The following HMBOX1 variants were observed in gnomAD, a reference collection of about 807,000 sequenced individuals.
The protein encoded by HMBOX1 is homeobox containing 1.
Under a neutral mutation model 54.5 loss-of-function variants are expected in HMBOX1, and 14 were observed. The ratio of observed to expected loss-of-function variants is 0.26; its 90% CI spans 0.17 to 0.40. The LOEUF is 0.40. Among genes scored for constraint, HMBOX1 ranks in the 10% least tolerant of loss-of-function variants. The probability of loss-of-function intolerance (pLI) is 1.00; values close to 1 mark genes in which losing one functional copy is unlikely to be tolerated. For missense variants in HMBOX1, 332 were observed against 514.4 expected, an observed-to-expected ratio of 0.65 and a Z score of 3.43; for synonymous variants, 160 against 181.0, an observed-to-expected ratio of 0.88 and a Z score of 0.93.
chr8:29,021,809 G>A (rs571041626), intron 6 of HMBOX1, among the ~76,000 whole-genome samples: 23 of 148,600 alleles, frequency 1.5e-4, no homozygotes, highest in South Asian at 1.3e-3. Flanking sequence ...GCGGTGAGCC[G>A]AGATCGTGCC....
chr8:28,898,591 G>T (rs184182289), intron 1 of HMBOX1, among the ~76,000 whole-genome samples: 1 of 152,222 alleles, frequency 6.6e-6, no homozygotes, highest in African/African-American at 2.4e-5. Context: ...GGTGATAAAT[G>T]GTTTCTTGTC....
chr8:28,904,713 G>A (rs1053613349), intron 1 of HMBOX1, among the ~76,000 whole-genome samples: 7 of 147,544 alleles, frequency 4.7e-5, no homozygotes, highest in African/African-American at 1.3e-4. Context: ...GTCTCGCTCT[G>A]TCACCCAGGC....
At chr8:29,037,647 A>G (rs1035432591) in intron 6 of HMBOX1, among the ~76,000 whole-genome samples, 1 of 152,232 alleles carries the variant, frequency 6.6e-6, no homozygotes, top group Non-Finnish European at 1.5e-5. Context: ...TTTCTCACTT[A>G]TATGATCTTT....
At chr8:28,908,981 T>A (rs1415837843) in intron 1 of HMBOX1, among the ~76,000 whole-genome samples, 1 of 151,690 alleles carries the variant, frequency 6.6e-6, no homozygotes. Flanking sequence ...GCACCTGTAG[T>A]CCCAGCTACT....
At position 28,970,980 on chromosome 8, in the gene HMBOX1, TGA is replaced by T. The variant is rs1491359103; in HGVS notation, c.500+462_500+463del. ...TATAGGTTCTAATTTTAGCAATAGA[TGA>T]CACACACACACACACACACACACAC... On this transcript the variant is annotated intron_variant, in intron 3 of 9. Coordinates refer to ENST00000287701, the MANE Select transcript of HMBOX1 (RefSeq NM_001135726.3). The surrounding 1 kb of genome is among the most constrained non-coding windows in gnomAD (Gnocchi z 4.3). Among the ~76,000 whole-genome samples the T allele has an allele frequency of 8.7e-5, 8 of 92,444 alleles. No individual in the cohort carries two copies. The East Asian group carries it at 1.4e-3, about 16-fold the overall frequency. 60.6% of individuals were successfully genotyped at this position (92,444 alleles called of 152,430 possible).
chr8:28,948,336 A>G (rs1035032880), intron 1 of HMBOX1, among the ~76,000 whole-genome samples: 2 of 152,182 alleles, frequency 1.3e-5, no homozygotes, highest in African/African-American at 4.8e-5. Flanking sequence ...ACAGGTGCTT[A>G]GTAAATATTT....
At chr8:28,930,412 A>G (rs1202601072) in intron 1 of HMBOX1, among the ~76,000 whole-genome samples, 1 of 152,168 alleles carries the variant, frequency 6.6e-6, no homozygotes, top group Non-Finnish European at 1.5e-5. Flanking sequence ...TTATCTTCTA[A>G]TGATGGAGTA....
In HMBOX1 at chr8:29,051,124, A is replaced by C; in HGVS notation, c.1232A>C (p.Glu411Ala). The C allele has an allele frequency of 6.2e-7, 1 of 1,614,066 alleles. No individual in the cohort carries two copies. The highest frequency in any genetic ancestry group is 8.5e-7 in the Non-Finnish European group (1 of 1,180,014). The change falls in exon 10 of 10, where the codon GAA becomes GCA. Residue 411 changes from glutamate to alanine, a missense_variant. Physicochemically the swap from Glu to Ala is moderately radical, Grantham distance 107 (BLOSUM62 -1). Coordinates refer to ENST00000287701, the MANE Select transcript of HMBOX1 (RefSeq NM_001135726.3). ...GCATTGGCCCGACAAGGAGCCAACG[A>C]AATCAAGACAGAGGCCCTGGATGAT... Reference protein sequence around the residue: ...ILALARQGANEIKTEALDDD With the variant: ...ILALARQGANAIKTEALDDD
intron 1 of HMBOX1, among the ~76,000 whole-genome samples, chr8:28,941,731 A>T (rs1255198173): frequency 1.3e-5 from 2 of 152,194 alleles, no homozygotes; most frequent in East Asian, 3.8e-4. Flanking sequence ...AAAAAAATTC[A>T]GTAAGAATTT....
intron 4 of HMBOX1, among the ~76,000 whole-genome samples, chr8:29,003,555 A>AATATATATATATATATATATATAT (rs71222586): frequency 0.024 from 1,681 of 70,900 alleles, 146 homozygotes; most frequent in Non-Finnish European, 0.028. Flanking sequence ...TTCTGTATTA[A>AATATATATATATATATATATATAT]ATATATATAT....
intron 4 of HMBOX1, among the ~76,000 whole-genome samples, chr8:28,997,993 A>G (rs1023231743): frequency 2.0e-5 from 3 of 152,120 alleles, no homozygotes; most frequent in African/African-American, 7.2e-5. Context: ...TATGTGCTTT[A>G]ATTATTTTTT....
chr8:28,926,648 A>G (rs1226024717), intron 1 of HMBOX1, among the ~76,000 whole-genome samples: 2 of 152,022 alleles, frequency 1.3e-5, no homozygotes, highest in African/African-American at 4.8e-5. Flanking sequence ...GTCATTGTTA[A>G]CCTCAAACTC....
chr8:28,956,851 T>C (rs1438908656), intron 1 of HMBOX1, among the ~76,000 whole-genome samples: 1 of 152,200 alleles, frequency 6.6e-6, no homozygotes, highest in Non-Finnish European at 1.5e-5. Context: ...AGCAGACACT[T>C]CTCAAAAGAA....
chr8:29,013,484 T>A (rs1380885651), intron 5 of HMBOX1, among the ~76,000 whole-genome samples: 1 of 152,148 alleles, frequency 6.6e-6, no homozygotes, highest in Non-Finnish European at 1.5e-5. Context: ...TATATGGCTT[T>A]TGGTTTTTTG....
At chr8:28,953,145 A>G (rs1223632082) in intron 1 of HMBOX1, among the ~76,000 whole-genome samples, 1 of 152,202 alleles carries the variant, frequency 6.6e-6, no homozygotes, top group Non-Finnish European at 1.5e-5. Context: ...TTAAATAGTG[A>G]TAGTAGTTGT....
Position 28,963,845 on chromosome 8 carries a change from T to C in HMBOX1, c.-23T>C, listed in dbSNP as rs1275459867. On this transcript the variant is annotated 5_prime_UTR_variant, in exon 2 of 10. Transcript: ENST00000287701. ...TAACGCAGATCATCTCTGGAAAGGA[T>C]ATTGATCCGCCTCATGTAAAGTATG... 6.3e-7 allele frequency: 1 copy of C among 1,592,090 alleles called. No individual in the cohort carries two copies. Among genetic ancestry groups the C allele is most frequent in the Admixed American group, 1.7e-5 (1 of 59,264 alleles).
intron 1 of HMBOX1, among the ~76,000 whole-genome samples, chr8:28,938,645 G>T (rs1014404467): frequency 6.6e-6 from 1 of 150,510 alleles, no homozygotes; most frequent in South Asian, 2.1e-4. Context: ...ACAGGGTCTC[G>T]CTATGTTGCT....
intron 1 of HMBOX1, among the ~76,000 whole-genome samples, chr8:28,925,363 G>T (rs1304572288): frequency 1.3e-5 from 2 of 151,732 alleles, no homozygotes; most frequent in Non-Finnish European, 2.9e-5. Flanking sequence ...AAACTGTTTT[G>T]TTTTTTTTCT....
At chr8:28,972,037 T>G (rs963901368) in intron 3 of HMBOX1, among the ~76,000 whole-genome samples, 1 of 152,232 alleles carries the variant, frequency 6.6e-6, no homozygotes, top group Non-Finnish European at 1.5e-5. Context: ...AGTACCACAA[T>G]GTTGAAATAT....
Sources: gnomAD v4.1 joint callset for allele counts (sites outside exome capture counted in the v4.1 genomes callset) on GRCh38, gnomAD v4.1.1 for gene constraint, Gnocchi (gnomAD v3.1) non-coding constraint, MANE v1.5 for transcripts, NCBI Gene and HGNC (gene_info 2026-07-23, HGNC 2026-07-21) for gene names.